CABIN1: variants seen among roughly 807,000 people sequenced by gnomAD.
CABIN1 encodes calcineurin binding protein 1.
Under a neutral mutation model 227.7 loss-of-function variants are expected in CABIN1, and 133 were observed. The ratio of observed to expected loss-of-function variants is 0.58; its 90% CI spans 0.51 to 0.67. The LOEUF (loss-of-function observed/expected upper bound fraction) is 0.67, where lower values mean the gene tolerates loss of function less well. Ranked by LOEUF, CABIN1 falls within the 30% of genes least tolerant of loss-of-function variation. CABIN1 has a pLI of 0.00. For missense variants in CABIN1, 2,408 were observed against 2,852.5 expected (o/e 0.84, Z 3.55); for synonymous variants, 1,086 against 1,155.1 (o/e 0.94, Z 1.21).
At chr22:24,084,472 A>G (rs956133348) in intron 20 of CABIN1, 107 bp from the exon 21 acceptor site, 20 of 939,302 alleles carry the variant, frequency 2.1e-5, no homozygotes, top group African/African-American at 1.8e-4. Flanking sequence ...CCAATATGCC[A>G]TAACCTCATT....
At chr22:24,169,675 C>T (rs533735612) in intron 33 of CABIN1, among the ~76,000 whole-genome samples, 2 of 152,334 alleles carry the variant, frequency 1.3e-5, no homozygotes, top group South Asian at 2.1e-4. Flanking sequence ...GGCCCAGGTC[C>T]ACCAGGGTGC....
rs553512360 is a variant in CABIN1, at chr22:24,017,251, A to T, written c.-75+5884A>T. Among the ~76,000 whole-genome samples, 4 of 152,088 alleles carry T rather than the reference A, an allele frequency of 2.6e-5. No homozygotes were observed. The South Asian group carries it at 8.3e-4, about 32-fold the overall frequency. ...ACAGGGTTTCACTGTGTTAGCCAGG[A>T]TGGTCTCCATCTCCTGACCTCCTCA... On this transcript the variant is annotated intron_variant, in intron 1 of 36. Transcript: ENST00000263119.
In CABIN1 at chr22:24,054,956, G is replaced by A. The variant is rs776008668; in HGVS notation, c.890G>A (p.Arg297Lys). Residue 297 changes from arginine to lysine, a missense_variant, in exon 9 of 37, where the codon AGG (arginine) becomes AAG (lysine). Physicochemically the swap from Arg to Lys is conservative, Grantham distance 26 (BLOSUM62 2). Coordinates refer to ENST00000263119, the MANE Select transcript of CABIN1 (RefSeq NM_012295.4). ...CCCCCACGTCCCAGCCTTGGCAAAA[G>A]GATTGATTTGTCGGACTACCAGGAC... is the stretch of plus-strand genomic sequence containing the variant. ...CEPPRPSLGKRIDLSDYQDPS... is the reference protein window; with the variant it reads ...CEPPRPSLGKKIDLSDYQDPS... The A allele has an allele frequency of 5.6e-6, 9 of 1,614,094 alleles. No individual in the cohort carries two copies. The Admixed American group carries it at 1.0e-4, about 18-fold the overall frequency.
chr22:24,046,733 T>A lies in CABIN1; in HGVS notation c.527-2358T>A, dbSNP rs140024250. 6.0e-3 allele frequency among the ~76,000 whole-genome samples: 920 copies of A among 152,234 alleles called. 9 individuals carry two copies. Among genetic ancestry groups the A allele is most frequent in the Non-Finnish European group, 1.0e-2 (679 of 68,020 alleles). On this transcript the variant is annotated intron_variant, in intron 6 of 36. Transcript: ENST00000263119. ...TATTGGTAGCTGACAAGTTCCAAGA[T>A]TTACAGGGTGAGTCAGCAAGCTGCA... is the stretch of plus-strand genomic sequence containing the variant.
At chr22:24,172,150 C>CA (rs1360681239) in intron 34 of CABIN1, among the ~76,000 whole-genome samples, 155 bp downstream of exon 34, 2 of 152,372 alleles carry the variant, frequency 1.3e-5, no homozygotes, top group Middle Eastern at 3.4e-3. Flanking sequence ...CGGGTCCACT[C>CA]ACCAGTCACT....
At chr22:24,025,142 T>C (rs548494902) in intron 1 of CABIN1, among the ~76,000 whole-genome samples, 3 of 152,320 alleles carry the variant, frequency 2.0e-5, no homozygotes, top group Admixed American at 1.3e-4. Flanking sequence ...CTAAGTATTA[T>C]AGTATGGATA....
chr22:24,166,527 C>A, intron 31 of CABIN1, 112 bp from the exon 32 acceptor site: 1 of 1,314,762 alleles, frequency 7.6e-7, no homozygotes, highest in South Asian at 1.2e-5. Context: ...ATGTCCGGAG[C>A]CACACAGATG....
intron 29 of CABIN1, among the ~76,000 whole-genome samples, chr22:24,161,111 G>T (rs2046127391): frequency 6.6e-6 from 1 of 152,200 alleles, no homozygotes; most frequent in South Asian, 2.1e-4. Context: ...AGAGTCTGGG[G>T]CTTCATAAAT....
At chr22:24,043,221 T>C in intron 6 of CABIN1, 137 bp downstream of exon 6, 1 of 676,280 alleles carries the variant, frequency 1.5e-6, no homozygotes, top group Non-Finnish European at 2.6e-6. Flanking sequence ...GGCAATGTTC[T>C]TAGATTTCTG....
intron 28 of CABIN1, among the ~76,000 whole-genome samples, chr22:24,125,590 C>A (rs2043673422): frequency 6.6e-6 from 1 of 152,184 alleles, no homozygotes; most frequent in Non-Finnish European, 1.5e-5. Context: ...CTGACTGAGC[C>A]AGGACCACAC....
intron 26 of CABIN1, among the ~76,000 whole-genome samples, chr22:24,110,955 T>G (rs372934853): frequency 6.6e-6 from 1 of 152,182 alleles, no homozygotes; most frequent in Non-Finnish European, 1.5e-5. Context: ...CTTTTATTAT[T>G]TTTGGGAAAT....
At chr22:24,084,104 C>G (rs1002959563) in intron 20 of CABIN1, among the ~76,000 whole-genome samples, 4 of 152,218 alleles carry the variant, frequency 2.6e-5, no homozygotes, top group African/African-American at 9.6e-5. Flanking sequence ...AGGTCCCCAC[C>G]CATGATGGAA....
chr22:24,167,739 A>G (rs1723975469), intron 32 of CABIN1, among the ~76,000 whole-genome samples: 1 of 152,176 alleles, frequency 6.6e-6, no homozygotes, highest in South Asian at 2.1e-4. Flanking sequence ...TTATTCCCAT[A>G]GGAAGAATCT....
chr22:24,058,739 TCTC>T (rs780758337), intron 10 of CABIN1, among the ~76,000 whole-genome samples: 13 of 152,226 alleles, frequency 8.5e-5, no homozygotes, highest in Non-Finnish European at 1.6e-4. Flanking sequence ...TGCAAGCCCT[TCTC>T]CTCCTCCAGT....
chr22:24,169,266 G>A (rs2046645126), intron 33 of CABIN1, among the ~76,000 whole-genome samples: 1 of 152,126 alleles, frequency 6.6e-6, no homozygotes, highest in African/African-American at 2.4e-5. Context: ...GAGGGTAGGT[G>A]GCATGCCATT....
intron 29 of CABIN1, among the ~76,000 whole-genome samples, chr22:24,154,940 C>T (rs1272019858): frequency 6.6e-6 from 1 of 152,040 alleles, no homozygotes; most frequent in Non-Finnish European, 1.5e-5. Context: ...GTCTGAGGCC[C>T]CTGGGTGTCT....
chr22:24,119,828 A>T (rs924548066), intron 28 of CABIN1, 130 bp downstream of exon 28: 73 of 959,030 alleles, frequency 7.6e-5, no homozygotes, highest in Middle Eastern at 3.0e-4. Context: ...GGGCGAGGAG[A>T]GCTGCAGGAG....
chr22:24,166,502 C>A, intron 31 of CABIN1, 137 bp from the exon 32 acceptor site: 1 of 1,077,648 alleles, frequency 9.3e-7, no homozygotes, highest in Non-Finnish European at 1.4e-6. Context: ...AAACACAGCC[C>A]TGGCCAGCTG....
In CABIN1 at chr22:24,079,483, A is replaced by G. The variant is rs1039469053; in HGVS notation, c.2748+3199A>G. Among the ~76,000 whole-genome samples the G allele has an allele frequency of 3.3e-5, 5 of 152,260 alleles. No individual in the cohort carries two copies. In the East Asian group the frequency reaches 9.6e-4, roughly 29 times the overall value. On this transcript the variant is annotated intron_variant, in intron 19 of 36. Coordinates refer to ENST00000263119, the MANE Select transcript of CABIN1 (RefSeq NM_012295.4). Reference sequence around the variant, plus strand: ...ACTTTAAAAATTTTATTTTCAGATTATTCTCCAAAATTATTGAACAGTTTT... The same window carrying G: ...ACTTTAAAAATTTTATTTTCAGATTGTTCTCCAAAATTATTGAACAGTTTT...
Sources: allele counts gnomAD v4.1 joint callset (sites outside exome capture counted in the v4.1 genomes callset), GRCh38; gene constraint gnomAD v4.1.1; transcripts MANE v1.5; gene names NCBI Gene and HGNC (gene_info 2026-07-23, HGNC 2026-07-21).